The following GRIN2B variants were observed in gnomAD, a reference collection of about 807,000 sequenced individuals.
GRIN2B encodes glutamate receptor ionotropic, NMDA 2B.
GRIN2B carries 5 observed loss-of-function variants against 114.5 expected under a neutral mutation model. The ratio of observed to expected loss-of-function variants is 0.04; its 90% CI spans 0.02 to 0.09. The LOEUF (loss-of-function observed/expected upper bound fraction) is 0.09. Among genes scored for constraint, GRIN2B ranks in the 10% least tolerant of loss-of-function variants. The pLI, the probability that GRIN2B is intolerant of heterozygous loss-of-function variation, is 1.00. For synonymous variants in GRIN2B, 787 were observed against 745.1 expected (o/e 1.06, Z -0.92); for missense variants, 1,108 against 1,943.5 (o/e 0.57, Z 8.08).
Position 13,615,664 on chromosome 12 carries a change from C to G in GRIN2B, c.1329G>C (p.Glu443Asp), listed in dbSNP as rs887991120. The G allele has an allele frequency of 6.2e-7, 1 of 1,612,528 alleles. No individual in the cohort carries two copies. ...AACCCGGCTCCTCGTCTGTTTTATTCCTAGCCAATTAAAGAAACAAAAACA... is the reference window on the plus strand; with the variant it reads ...AACCCGGCTCCTCGTCTGTTTTATTGCTAGCCAATTAAAGAAACAAAAACA... ...TVPCQKRIVTENKTDEEPGYI... is the reference protein window; with the variant it reads ...TVPCQKRIVTDNKTDEEPGYI... The change falls in exon 7 of 14, where the codon GAG becomes GAC. Residue 443 changes from glutamate (E) to aspartate (D), a missense_variant and splice_region_variant. Around this residue, in one of 19 missense-constraint regions of GRIN2B, gnomAD observed 26 missense variants for 23.5 expected, o/e 1.11. Transcript: ENST00000609686. The surrounding 1 kb of genome is among the most constrained non-coding windows in gnomAD (Gnocchi z 5.8).
chr12:13,631,924 C>T (rs1318026541), intron 5 of GRIN2B, among the ~76,000 whole-genome samples: 5 of 152,270 alleles, frequency 3.3e-5, no homozygotes, highest in South Asian at 4.2e-4. Context: ...GCAGAAAAGG[C>T]GGGTTTCCAG....
intron 3 of GRIN2B, among the ~76,000 whole-genome samples, chr12:13,857,750 C>G (rs1029387989): frequency 6.6e-6 from 1 of 152,192 alleles, no homozygotes; most frequent in Admixed American, 6.5e-5. Flanking sequence ...TCCTTTCCCC[C>G]CTTGTCACCT....
chr12:13,644,199 C>T (rs1949743291), intron 5 of GRIN2B, among the ~76,000 whole-genome samples: 1 of 152,092 alleles, frequency 6.6e-6, no homozygotes, highest in Admixed American at 6.6e-5. Flanking sequence ...ACAATTTTTC[C>T]TTGATCCATA....
chr12:13,610,387 G>T (rs4764014), intron 9 of GRIN2B, among the ~76,000 whole-genome samples: 2 of 152,006 alleles, frequency 1.3e-5, no homozygotes, highest in African/African-American at 4.8e-5. Flanking sequence ...TTTTTTCAAG[G>T]GAGAGAGGCA....
chr12:13,745,701 C>G (rs779380764), intron 4 of GRIN2B, among the ~76,000 whole-genome samples: 4 of 152,186 alleles, frequency 2.6e-5, no homozygotes, highest in African/African-American at 4.8e-5. Flanking sequence ...AAAGACTCTT[C>G]CAGCTCTAAT....
At chr12:13,976,590 C>A (rs903768146) in intron 2 of GRIN2B, among the ~76,000 whole-genome samples, 8 of 152,132 alleles carry the variant, frequency 5.3e-5, no homozygotes, top group African/African-American at 1.9e-4. Flanking sequence ...TGGCTTTTTT[C>A]TCTTCCCTAG....
chr12:13,713,207 A>C (rs1156905673), intron 4 of GRIN2B, among the ~76,000 whole-genome samples: 3 of 151,952 alleles, frequency 2.0e-5, no homozygotes, highest in Non-Finnish European at 4.4e-5. Flanking sequence ...TTAAGTTAAC[A>C]ACATGACTTT....
rs374221281 is a variant in GRIN2B, at chr12:13,784,581, G to T, written c.412-30666C>A. Among the ~76,000 whole-genome samples the T allele has an allele frequency of 2.4e-4, 36 of 152,240 alleles. No individual in the cohort carries two copies. The East Asian group carries it at 6.2e-3, about 26-fold the overall frequency. ...TTCCACCCCCCTGCCCCCTTGAAAT[G>T]AGCTGGCCTAAAGACTCATCTTGGC... On this transcript the variant is annotated intron_variant, in intron 3 of 13. Transcript: ENST00000609686.
intron 2 of GRIN2B, among the ~76,000 whole-genome samples, chr12:13,964,392 C>T (rs1013265578): frequency 1.3e-5 from 2 of 152,200 alleles, no homozygotes; most frequent in African/African-American, 4.8e-5. Flanking sequence ...AGGCCCTGCC[C>T]TTGGCCACAA....
At chr12:13,698,256 T>C (rs758539665) in intron 4 of GRIN2B, among the ~76,000 whole-genome samples, 1 of 152,258 alleles carries the variant, frequency 6.6e-6, no homozygotes, top group Non-Finnish European at 1.5e-5. Flanking sequence ...ATTTTACATT[T>C]AGGAACGTCT....
chr12:13,871,323 G>A (rs1459861295), intron 2 of GRIN2B, among the ~76,000 whole-genome samples: 2 of 150,390 alleles, frequency 1.3e-5, no homozygotes, highest in African/African-American at 4.9e-5. Flanking sequence ...TTTCTATAAT[G>A]TGATTAAATT....
intron 2 of GRIN2B, among the ~76,000 whole-genome samples, chr12:13,941,067 T>TCA (rs57165618): frequency 0.026 from 3,974 of 150,838 alleles, 65 homozygotes; most frequent in African/African-American, 0.034. Flanking sequence ...ACACATATGT[T>TCA]CACACACACA....
rs191200292 is a variant in GRIN2B, at chr12:13,901,509, G to A, written c.-18-35283C>T. Among the ~76,000 whole-genome samples the A allele has an allele frequency of 8.5e-4, 129 of 152,094 alleles. 4 individuals are homozygous for A. In the East Asian group the frequency reaches 0.022, roughly 26 times the overall value. On this transcript the variant is annotated intron_variant, in intron 2 of 13. Coordinates refer to ENST00000609686, the MANE Select transcript of GRIN2B (RefSeq NM_000834.5). ...TATCCAGTAGCCACTTGTGGCTATT[G>A]AGCATTTGAAATGTGGCTAGTGAGA...
intron 11 of GRIN2B, among the ~76,000 whole-genome samples, chr12:13,570,986 G>A (rs1408384013): frequency 6.6e-6 from 1 of 152,322 alleles, no homozygotes; most frequent in East Asian, 1.9e-4. Context: ...CTACCTTCAA[G>A]CTCAAATTCC....
chr12:13,607,349 TAAA>T (rs1491542675), intron 10 of GRIN2B, among the ~76,000 whole-genome samples: 57 of 52,930 alleles, frequency 1.1e-3, no homozygotes, highest in Admixed American at 6.0e-3. Context: ...ATATAATATA[TAAA>T]ATATATAATA....
intron 2 of GRIN2B, among the ~76,000 whole-genome samples, chr12:13,975,968 A>T (rs1415312992): frequency 6.6e-6 from 1 of 152,238 alleles, no homozygotes; most frequent in East Asian, 1.9e-4. Context: ...ACCAAAAATA[A>T]GGTGGAGAAC....
chr12:13,836,976 T>C (rs1294317117), intron 3 of GRIN2B, among the ~76,000 whole-genome samples: 1 of 152,230 alleles, frequency 6.6e-6, no homozygotes, highest in Non-Finnish European at 1.5e-5. Context: ...ATGGGTGCAC[T>C]GCTATCCCCG....
chr12:13,728,152 T>G lies in GRIN2B; in HGVS notation c.1010+25165A>C, dbSNP rs139486522. ...TGGCACTCAGGAAATGGTGGTTGAA[T>G]AATGAATGAATGCACGATTTTATGA... On this transcript the variant is annotated intron_variant, in intron 4 of 13. Transcript: ENST00000609686. Among the ~76,000 whole-genome samples, 1,021 of 152,286 alleles carry G rather than the reference T, an allele frequency of 6.7e-3. 12 individuals carry two copies. Among genetic ancestry groups the G allele is most frequent in the Non-Finnish European group, 8.9e-3 (604 of 68,012 alleles).
intron 3 of GRIN2B, among the ~76,000 whole-genome samples, chr12:13,791,333 C>A (rs1864316637): frequency 6.6e-6 from 1 of 151,516 alleles, no homozygotes; most frequent in Admixed American, 6.6e-5. Context: ...GCGCCTGTAG[C>A]CCAGCTACTC....
Sources: gnomAD v4.1 joint callset for allele counts (sites outside exome capture counted in the v4.1 genomes callset) on GRCh38, gnomAD v4.1.1 for gene constraint, gnomAD v4.1.1 regional missense constraint, Gnocchi (gnomAD v3.1) non-coding constraint, MANE v1.5 for transcripts, NCBI Gene and HGNC (gene_info 2026-07-23, HGNC 2026-07-21) for gene names.